The following FRMD4A variants were observed in gnomAD, a reference collection of about 807,000 sequenced individuals.
FRMD4A encodes FERM domain-containing protein 4A.
In FRMD4A, 29 loss-of-function variants were observed where a neutral mutation model predicts 129.1. The observed-to-expected ratio is 0.22, with a 90% CI of 0.17 to 0.31. The LOEUF (loss-of-function observed/expected upper bound fraction) is 0.31. FRMD4A is among the 10% of genes least tolerant of loss of function. The probability of loss-of-function intolerance (pLI) is 1.00; values close to 1 mark genes in which losing one functional copy is unlikely to be tolerated. For synonymous variants in FRMD4A, 634 were observed against 571.6 expected (o/e 1.11, Z -1.56); for missense variants, 1,272 against 1,375.8 (o/e 0.92, Z 1.19).
intron 2 of FRMD4A, among the ~76,000 whole-genome samples, chr10:13,975,027 G>A (rs960646149): frequency 2.0e-5 from 3 of 151,752 alleles, no homozygotes; most frequent in Non-Finnish European, 2.9e-5. Flanking sequence ...GTCTGTGCGT[G>A]TCTGAGTATG....
chr10:13,970,801 A>G (rs1048236053), intron 2 of FRMD4A, among the ~76,000 whole-genome samples: 2 of 152,190 alleles, frequency 1.3e-5, no homozygotes, highest in Admixed American at 6.5e-5. Context: ...TAATGCCACC[A>G]AACTGGACTG....
At chr10:13,912,886 C>G (rs1259889433) in intron 2 of FRMD4A, among the ~76,000 whole-genome samples, 1 of 151,718 alleles carries the variant, frequency 6.6e-6, no homozygotes, top group African/African-American at 2.4e-5. Context: ...CCATCCTGAC[C>G]AACATGGTGA....
In FRMD4A at chr10:13,963,444, C is replaced by T. The variant is rs143303780; in HGVS notation, c.46-104532G>A. On this transcript the variant is annotated intron_variant, in intron 2 of 24. Transcript: ENST00000357447. ...AAAAATAGCAAATTGAGAATCAAAG[C>T]CCAACTTTCCACATGTGGAAACGTT... 3.4e-3 allele frequency among the ~76,000 whole-genome samples: 513 copies of T among 152,160 alleles called. 4 individuals are homozygous for T. Among genetic ancestry groups the T allele is most frequent in the African/African-American group, 0.012 (482 of 41,508 alleles).
chr10:13,872,445 T>C (rs1344160150), intron 2 of FRMD4A, among the ~76,000 whole-genome samples: 1 of 152,208 alleles, frequency 6.6e-6, no homozygotes, highest in Non-Finnish European at 1.5e-5. Context: ...ACTCATTACG[T>C]TGAGAGCAGA....
chr10:14,024,257 T>C (rs929909263), intron 2 of FRMD4A, among the ~76,000 whole-genome samples: 11 of 152,214 alleles, frequency 7.2e-5, no homozygotes, highest in African/African-American at 2.4e-4. Context: ...CAGTTGCAGA[T>C]CAGAATGAGA....
intron 2 of FRMD4A, among the ~76,000 whole-genome samples, chr10:14,020,824 AG>A (rs1484114418): frequency 6.6e-6 from 1 of 152,120 alleles, no homozygotes; most frequent in Non-Finnish European, 1.5e-5. Flanking sequence ...CAATCATTCA[AG>A]GGGGAAAGGT....
In FRMD4A at chr10:13,674,224, A is replaced by C. The variant is rs528786550; in HGVS notation, c.1251+687T>G. ...TTTCTCAATAGGATGTCCAAAGACA[A>C]GTCTGAAATACCCTTAAGAAAGAAC... is the stretch of plus-strand genomic sequence containing the variant. On this transcript the variant is annotated intron_variant, in intron 16 of 24. Transcript: ENST00000357447. 6.6e-5 allele frequency among the ~76,000 whole-genome samples: 10 copies of C among 152,330 alleles called. No homozygotes were observed. In the South Asian group the frequency reaches 1.9e-3, roughly 28 times the overall value.
At chr10:14,186,034 C>T (rs971769379) in intron 2 of FRMD4A, among the ~76,000 whole-genome samples, 2 of 151,936 alleles carry the variant, frequency 1.3e-5, no homozygotes, top group Admixed American at 6.6e-5. Flanking sequence ...GGCAGAAGTG[C>T]GGGCTGGGAC....
intron 3 of FRMD4A, among the ~76,000 whole-genome samples, chr10:13,814,994 G>A (rs1195676937): frequency 6.6e-6 from 1 of 152,070 alleles, no homozygotes; most frequent in Non-Finnish European, 1.5e-5. Context: ...TGGAGGCTTG[G>A]GGTTACTTTA....
chr10:13,654,335 A>T (rs55879243), intron 23 of FRMD4A, 81 bp downstream of exon 23: 18,463 of 932,934 alleles, frequency 0.02, 956 homozygotes, highest in African/African-American at 0.15. Context: ...ATTTACTGAC[A>T]TATCCTTATG....
intron 2 of FRMD4A, among the ~76,000 whole-genome samples, chr10:13,869,830 G>A (rs1402039377): frequency 3.9e-5 from 6 of 152,082 alleles, no homozygotes; most frequent in East Asian, 1.9e-4. Flanking sequence ...CTATTCTACC[G>A]GAAATACACA....
At chr10:13,918,994 G>T (rs766676584) in intron 2 of FRMD4A, among the ~76,000 whole-genome samples, 3 of 152,122 alleles carry the variant, frequency 2.0e-5, no homozygotes, top group Non-Finnish European at 4.4e-5. Flanking sequence ...TGGTCTGGTG[G>T]CTTCTTTCTA....
In FRMD4A at chr10:13,995,375, A is replaced by G. The variant is rs538000654; in HGVS notation, c.46-136463T>C. Among the ~76,000 whole-genome samples the G allele has an allele frequency of 2.6e-5, 4 of 152,302 alleles. No homozygotes were observed. In the East Asian group the frequency reaches 5.8e-4, roughly 22 times the overall value. Reference sequence around the variant, plus strand: ...TAGGCAGGTGGATTGCTTGAGGCCAAGAGTTTTGAGACCAGCCTGGCCAAC... The same window carrying G: ...TAGGCAGGTGGATTGCTTGAGGCCAGGAGTTTTGAGACCAGCCTGGCCAAC... On this transcript the variant is annotated intron_variant, in intron 2 of 24. Coordinates refer to ENST00000357447, the MANE Select transcript of FRMD4A (RefSeq NM_018027.5).
chr10:13,860,882 G>A (rs923786224), intron 2 of FRMD4A, among the ~76,000 whole-genome samples: 20 of 152,076 alleles, frequency 1.3e-4, no homozygotes, highest in African/African-American at 4.6e-4. Context: ...AGGCTCTAGC[G>A]ATACTCCCAC....
chr10:13,691,027 G>T (rs117743289), intron 15 of FRMD4A, among the ~76,000 whole-genome samples: 3,044 of 152,196 alleles, frequency 0.02, 43 homozygotes, highest in East Asian at 0.067. Context: ...TCACTCTGCC[G>T]CTCAGGCTGG....
Position 14,185,609 on chromosome 10 carries a change from A to T in FRMD4A, c.45+144449T>A, listed in dbSNP as rs11258927. Among the ~76,000 whole-genome samples the T allele has an allele frequency of 3.6e-5, 5 of 140,040 alleles. No individual in the cohort carries two copies. In the East Asian group the frequency reaches 8.2e-4, roughly 23 times the overall value. 91.9% of individuals were successfully genotyped at this position (140,040 alleles called of 152,430 possible). On this transcript the variant is annotated intron_variant, in intron 2 of 24. Transcript: ENST00000357447. Reference sequence around the variant, plus strand: ...AAGAAAGAGAAACAGGTAGAGAGACAGAAAGGGGATATATACTTCATGGTC... The same window carrying T: ...AAGAAAGAGAAACAGGTAGAGAGACTGAAAGGGGATATATACTTCATGGTC...
At chr10:13,848,044 G>A (rs781047329) in intron 3 of FRMD4A, among the ~76,000 whole-genome samples, 4 of 152,142 alleles carry the variant, frequency 2.6e-5, no homozygotes, top group Non-Finnish European at 5.9e-5. Flanking sequence ...AAATACAGTC[G>A]TTTGCATTTT....
rs144971304 is a variant in FRMD4A at position 14,021,302 on chromosome 10, G to A, written c.46-162390C>T. The stretch of plus-strand genomic sequence containing the variant: ...CACCTGTAATAATCCTAGCACTTTC[G>A]GGGCTGAAGCAAAATGTTTGCTTGA... On this transcript the variant is annotated intron_variant, in intron 2 of 24. Coordinates refer to ENST00000357447, the MANE Select transcript of FRMD4A (RefSeq NM_018027.5). Among the ~76,000 whole-genome samples, 43 of 152,022 alleles carry A rather than the reference G, an allele frequency of 2.8e-4. No individual in the cohort carries two copies. In the South Asian group the frequency reaches 7.5e-3, roughly 26 times the overall value.
intron 2 of FRMD4A, among the ~76,000 whole-genome samples, chr10:14,055,729 A>G (rs2131694155): frequency 1.3e-5 from 2 of 152,324 alleles, no homozygotes; most frequent in Middle Eastern, 3.4e-3. Context: ...GTATATATTT[A>G]CGGGGTACAT....
Sources: allele counts gnomAD v4.1 joint callset (sites outside exome capture counted in the v4.1 genomes callset), GRCh38; gene constraint gnomAD v4.1.1; transcripts MANE v1.5; gene names NCBI Gene and HGNC (gene_info 2026-07-23, HGNC 2026-07-21).